The following CMA1 variants were observed in gnomAD, a reference collection of about 807,000 sequenced individuals.
CMA1 encodes chymase 1, also known as chymase.
A neutral mutation model predicts 18.8 loss-of-function variants in CMA1; 24 were observed. That is an observed-to-expected ratio of 1.28 (90% confidence interval 0.92 to 1.80). The LOEUF is 1.80. Among genes scored for constraint, CMA1 ranks in the 40% most tolerant of loss-of-function variants. The pLI is 0.00. For synonymous variants in CMA1, 152 were observed against 117.0 expected, an observed-to-expected ratio of 1.30 and a Z score of -1.93; for missense variants, 421 against 302.8, an observed-to-expected ratio of 1.39 and a Z score of -2.90.
chr14:24,507,752 GC>G (rs1475707705), intron 1 of CMA1, among the ~76,000 whole-genome samples: 4 of 151,944 alleles, frequency 2.6e-5, no homozygotes, highest in Non-Finnish European at 4.4e-5. Flanking sequence ...CTCCCACCTT[GC>G]CCTGGCCCAC....
chr14:24,506,372 T>C (rs2043856747), intron 3 of CMA1, 90 bp from the exon 4 acceptor site: 1 of 1,592,054 alleles, frequency 6.3e-7, no homozygotes, highest in African/African-American at 1.3e-5. Flanking sequence ...TAGCTTCATG[T>C]TATAGCCAAG....
intron 2 of CMA1, among the ~76,000 whole-genome samples, chr14:24,506,960 C>G (rs546602927): frequency 2.9e-4 from 44 of 152,216 alleles, no homozygotes; most frequent in African/African-American, 1.1e-3. Flanking sequence ...TCATGTAGAC[C>G]CTGTTCTCTG....
chr14:24,505,864 G>A (rs1051509585), intron 4 of CMA1, among the ~76,000 whole-genome samples, 164 bp downstream of exon 4: 1 of 152,196 alleles, frequency 6.6e-6, no homozygotes, highest in African/African-American at 2.4e-5. Context: ...CAGTGCAGTA[G>A]ACTGGAATGG....
intron 4 of CMA1, 146 bp from the exon 5 acceptor site, chr14:24,505,805 T>C (rs1566531605): frequency 3.4e-6 from 4 of 1,174,720 alleles, no homozygotes; most frequent in Non-Finnish European, 4.7e-6. Flanking sequence ...ATGCCCCTTC[T>C]TCCTTTCTTG....
At chr14:24,507,545 A>T (rs753053808) in intron 1 of CMA1, 39 bp from the exon 2 acceptor site, 2 of 1,587,678 alleles carry the variant, frequency 1.3e-6, no homozygotes, top group Non-Finnish European at 1.7e-6. Context: ...ACGGCCATAG[A>T]TACTCTCTCC....
At chr14:24,505,938 G>T in intron 4 of CMA1, 90 bp downstream of exon 4, 1 of 1,511,134 alleles carries the variant, frequency 6.6e-7, no homozygotes, top group South Asian at 1.3e-5. Flanking sequence ...CCCTGTCACT[G>T]ACTGACAACC....
In CMA1 at chr14:24,505,644, G is replaced by C. The variant is rs557045901; in HGVS notation, c.616C>G (p.Pro206Ala). 4 of 1,611,294 alleles carry C rather than the reference G, an allele frequency of 2.5e-6. No individual in the cohort carries two copies. The African/African-American group carries it at 5.3e-5, about 22-fold the overall frequency. Reference protein sequence around the residue: ...KSAFKGDSGGPLLCAGVAQGI... With the variant: ...KSAFKGDSGGALLCAGVAQGI... Reference sequence around the variant, plus strand: ...TGGGCCACCCCAGCACACAGAAGAGGGCCCCCAGAGTCTCCCTGTAGGGGG... The same window carrying C: ...TGGGCCACCCCAGCACACAGAAGAGCGCCCCCAGAGTCTCCCTGTAGGGGG... The change falls in exon 5 of 5, where the codon CCT becomes GCT. Residue 206 changes from proline to alanine, a missense_variant. Pro to Ala is a conservative substitution (Grantham distance 27). Transcript: ENST00000250378.
Position 24,506,602 on chromosome 14 carries a change from G to C in CMA1, c.212C>G (p.Ser71Cys). The change falls in exon 3 of 5, where the codon TCT becomes TGT. Residue 71 changes from serine (S) to cysteine (C), a missense_variant and splice_region_variant. Coordinates refer to ENST00000250378, the MANE Select transcript of CMA1 (RefSeq NM_001836.5). ...ATGGGCTCCAAGGGTGACTGTTATAGACCTGTTGTGAGGAAGAAGGAAGGA... is the reference window on the plus strand; with the variant it reads ...ATGGGCTCCAAGGGTGACTGTTATACACCTGTTGTGAGGAAGAAGGAAGGA... ...VLTAAHCAGR[S>C]ITVTLGAHNI... 6.2e-7 allele frequency: 1 copy of C among 1,613,854 alleles called. No individual in the cohort carries two copies. The highest frequency in any genetic ancestry group is 8.5e-7 in the Non-Finnish European group (1 of 1,179,944).
chr14:24,507,707 C>T (rs1268948488), intron 1 of CMA1, among the ~76,000 whole-genome samples: 1 of 152,200 alleles, frequency 6.6e-6, no homozygotes, highest in African/African-American at 2.4e-5. Flanking sequence ...CTTGCCTCTG[C>T]TCCATTCTGA....
rs769289968 is a variant in CMA1 at position 24,506,544 on chromosome 14, C to G, written c.270G>C (p.Lys90Asn). Reference sequence around the variant, plus strand: ...GACGGAATTGCTTTATAACCTCAAGCTTCTGCCATGTGTCTTCTTCCTCTG... The same window carrying G: ...GACGGAATTGCTTTATAACCTCAAGGTTCTGCCATGTGTCTTCTTCCTCTG... ...NITEEEDTWQ[K>N]LEVIKQFRHP... is the part of the protein sequence containing the mutation. Residue 90 changes from lysine (K) to asparagine (N), a missense_variant, in exon 3 of 5, where the codon AAG (lysine) becomes AAC (asparagine). Lys to Asn is a moderately conservative substitution (Grantham distance 94, BLOSUM62 0). Coordinates refer to ENST00000250378, the MANE Select transcript of CMA1 (RefSeq NM_001836.5). 1.5e-5 allele frequency: 25 copies of G among 1,613,872 alleles called. No individual in the cohort carries two copies. The highest frequency in any genetic ancestry group is 2.0e-5 in the Non-Finnish European group (24 of 1,179,868).
Position 24,507,383 on chromosome 14 carries a change from A to G in CMA1, c.182T>C (p.Val61Ala). ...CGGFLIRRNF[V>A]LTAAHCAGRS... The stretch of plus-strand genomic sequence containing the variant: ...TCCTGCACAATGAGCAGCCGTCAGC[A>G]CAAAGTTCCGTCTTATAAGGAAACC... The change falls in exon 2 of 5, where the codon GTG (valine) becomes GCG (alanine). Residue 61 changes from valine to alanine, a missense_variant. Physicochemically the swap from Val to Ala is moderately conservative, Grantham distance 64. Transcript: ENST00000250378. 2 of 1,614,174 alleles carry G rather than the reference A, an allele frequency of 1.2e-6. No individual in the cohort carries two copies. The highest frequency in any genetic ancestry group is 1.7e-5 in the Admixed American group (1 of 60,014).
At chr14:24,505,962 T>C in intron 4 of CMA1, 66 bp downstream of exon 4, 1 of 1,576,160 alleles carries the variant, frequency 6.3e-7, no homozygotes, top group East Asian at 2.2e-5. Flanking sequence ...TGACCCCATC[T>C]CCTTCTAAGA....
At chr14:24,507,711 A>G (rs1188269169) in intron 1 of CMA1, among the ~76,000 whole-genome samples, 1 of 151,956 alleles carries the variant, frequency 6.6e-6, no homozygotes, top group Non-Finnish European at 1.5e-5. Context: ...CCTCTGCTCC[A>G]TTCTGATGTT....
chr14:24,506,744 C>A, intron 2 of CMA1, 140 bp from the exon 3 acceptor site: 1 of 1,025,944 alleles, frequency 9.7e-7, no homozygotes, highest in Non-Finnish European at 1.4e-6. Context: ...TCATGGGCCA[C>A]TTGTGGCATT....
In CMA1 at chr14:24,505,447, T is replaced by G; in HGVS notation, c.*69A>C. On this transcript the variant is annotated 3_prime_UTR_variant, in exon 5 of 5. Transcript: ENST00000250378. ...CTGAGGGACCAAGGGTAGACCAGAA[T>G]GAGTGGCACACACTTTGCTGCTCAG... 1.2e-6 allele frequency: 2 copies of G among 1,602,132 alleles called. No homozygotes were observed. The highest frequency in any genetic ancestry group is 1.7e-6 in the Non-Finnish European group (2 of 1,170,090).
intron 1 of CMA1, among the ~76,000 whole-genome samples, chr14:24,507,959 G>T (rs2043872802): frequency 6.6e-6 from 1 of 151,312 alleles, no homozygotes; most frequent in African/African-American, 2.4e-5. Context: ...CTACAATTGA[G>T]GTGAAATTCC....
intron 2 of CMA1, 99 bp from the exon 3 acceptor site, chr14:24,506,703 C>A: frequency 6.9e-7 from 1 of 1,459,372 alleles, no homozygotes; most frequent in Non-Finnish European, 9.3e-7. Context: ...AACTCTGTCA[C>A]TGGGTCGCCG....
In CMA1 at chr14:24,505,745, C is replaced by T. The variant is rs556094098; in HGVS notation, c.601-86G>A. 27 of 1,501,734 alleles carry T rather than the reference C, an allele frequency of 1.8e-5. No individual in the cohort carries two copies. The South Asian group carries it at 3.4e-4, about 19-fold the overall frequency. 93.0% of individuals were successfully genotyped at this position (1,501,734 alleles called of 1,614,324 possible). On this transcript the variant is annotated intron_variant, in intron 4 of 4. Coordinates refer to ENST00000250378, the MANE Select transcript of CMA1 (RefSeq NM_001836.5). ...AGCCAGCTTGGAGTCACAGTGAGAC[C>T]TAAAGTCAGACGCAGGAGGTGGAGC...
intron 2 of CMA1, 48 bp downstream of exon 2, chr14:24,507,308 C>A (rs766399656): frequency 9.3e-6 from 15 of 1,611,380 alleles, no homozygotes; most frequent in Middle Eastern, 3.3e-4. Flanking sequence ...GGATGCTACT[C>A]TGGTTGTTCA....
Sources: allele counts gnomAD v4.1 joint callset (sites outside exome capture counted in the v4.1 genomes callset), GRCh38; gene constraint gnomAD v4.1.1; transcripts MANE v1.5; gene names NCBI Gene and HGNC (gene_info 2026-07-23, HGNC 2026-07-21).